The following REEP3 variants were observed in gnomAD, a reference collection of about 807,000 sequenced individuals.
REEP3 encodes receptor accessory protein 3, also known as receptor expression-enhancing protein 3.
REEP3 carries 20 observed loss-of-function variants against 41.3 expected under a neutral mutation model. The ratio of observed to expected loss-of-function variants is 0.48; its 90% CI spans 0.34 to 0.70. REEP3 has a LOEUF of 0.70. Ranked by LOEUF, REEP3 falls within the 30% of genes least tolerant of loss-of-function variation. The pLI is 0.01. For missense variants in REEP3, 271 were observed against 308.8 expected (o/e 0.88, Z 0.92); for synonymous variants, 104 against 101.8 (o/e 1.02, Z -0.13).
chr10:63,582,332 T>G (rs949954407), intron 2 of REEP3, among the ~76,000 whole-genome samples: 1 of 152,172 alleles, frequency 6.6e-6, no homozygotes, highest in African/African-American at 2.4e-5. Flanking sequence ...CTGTCTGCCC[T>G]CTCTCTGCAC....
In REEP3 at chr10:63,592,893, AAAAAAC is replaced by A. The variant is rs369043368; in HGVS notation, c.106-1866_106-1861del. ...GGGCGACAGAGCAAGACTCTGTCTC[AAAAAAC>A]AAAAACAAAAACAAAAACCTTATGA... On this transcript the variant is annotated intron_variant, in intron 2 of 7. Coordinates refer to ENST00000373758, the MANE Select transcript of REEP3 (RefSeq NM_001001330.3). Among the ~76,000 whole-genome samples the A allele has an allele frequency of 7.2e-3, 1,096 of 152,274 alleles. 17 individuals are homozygous for A. Among genetic ancestry groups the A allele is most frequent in the African/African-American group, 0.025 (1,034 of 41,536 alleles).
chr10:63,547,064 G>A lies in REEP3; in HGVS notation c.33-19274G>A, dbSNP rs186099870. Among the ~76,000 whole-genome samples the A allele has an allele frequency of 6.0e-3, 919 of 152,162 alleles. 3 individuals are homozygous for A. The highest frequency in any genetic ancestry group is 0.011 in the Admixed American group (165 of 15,282). On this transcript the variant is annotated intron_variant, in intron 1 of 7. Coordinates refer to ENST00000373758, the MANE Select transcript of REEP3 (RefSeq NM_001001330.3). Reference sequence around the variant, plus strand: ...AGCCTCCCAAGTAGCTGGGATTACAGGCGCCCGCCACCATGCCCAGCTAAT... The same window carrying A: ...AGCCTCCCAAGTAGCTGGGATTACAAGCGCCCGCCACCATGCCCAGCTAAT...
chr10:63,594,745 C>G (rs1956097895), intron 2 of REEP3, 33 bp from the exon 3 acceptor site: 1 of 1,347,098 alleles, frequency 7.4e-7, no homozygotes, highest in African/African-American at 1.4e-5. Context: ...TAATTTTCAT[C>G]TGTTGTTTCA....
chr10:63,620,827 A>G lies in REEP3; in HGVS notation c.726A>G (p.Ser242=), dbSNP rs1133386. 27,059 of 1,605,740 alleles carry G rather than the reference A, an allele frequency of 0.017. 279 individuals are homozygous for G. Among genetic ancestry groups the G allele is most frequent in the Middle Eastern group, 0.032 (192 of 6,024 alleles). ...TCTCTCTTCAGGTGCGGTACGGGTCACTAAAATACAAAGTGAAGAAACGAC... is the reference window on the plus strand; with the variant it reads ...TCTCTCTTCAGGTGCGGTACGGGTCGCTAAAATACAAAGTGAAGAAACGAC... The part of the protein sequence containing the change: ...TKGRKEVRYG[S]LKYKVKKRPQ... The change falls in exon 8 of 8, where the codon TCA becomes TCG. Residue 242 remains serine, a synonymous_variant. Coordinates refer to ENST00000373758, the MANE Select transcript of REEP3 (RefSeq NM_001001330.3).
chr10:63,556,057 G>GA (rs1020236474), intron 1 of REEP3, among the ~76,000 whole-genome samples: 5 of 151,594 alleles, frequency 3.3e-5, no homozygotes, highest in South Asian at 2.1e-4. Flanking sequence ...ATGCTACCTT[G>GA]AAAAAAAACC....
chr10:63,603,545 A>G (rs1956195334), intron 5 of REEP3, among the ~76,000 whole-genome samples: 1 of 152,096 alleles, frequency 6.6e-6, no homozygotes, highest in Non-Finnish European at 1.5e-5. Context: ...TGTCCACCCC[A>G]AAGGCAGTAA....
At chr10:63,551,751 T>C (rs993164301) in intron 1 of REEP3, among the ~76,000 whole-genome samples, 3 of 152,156 alleles carry the variant, frequency 2.0e-5, no homozygotes, top group Middle Eastern at 3.4e-3. Context: ...TGAGTAAACA[T>C]GATATGGTAA....
intron 6 of REEP3, among the ~76,000 whole-genome samples, chr10:63,615,006 A>G (rs1956301676): frequency 6.6e-6 from 1 of 152,230 alleles, no homozygotes. Context: ...ATTAAGCAAA[A>G]GGTGGTTTAT....
At chr10:63,546,737 G>A (rs1252506698) in intron 1 of REEP3, among the ~76,000 whole-genome samples, 1 of 152,144 alleles carries the variant, frequency 6.6e-6, no homozygotes, top group Non-Finnish European at 1.5e-5. Flanking sequence ...TATCACAAAG[G>A]TAGCACTACA....
At chr10:63,536,206 C>T (rs1054465383) in intron 1 of REEP3, among the ~76,000 whole-genome samples, 5 of 152,202 alleles carry the variant, frequency 3.3e-5, no homozygotes, top group Non-Finnish European at 7.4e-5. Flanking sequence ...CAGTTGAGCT[C>T]CGGACATAGA....
chr10:63,618,224 T>C (rs1384967721), intron 6 of REEP3, among the ~76,000 whole-genome samples: 1 of 150,220 alleles, frequency 6.7e-6, no homozygotes, highest in Non-Finnish European at 1.5e-5. Context: ...TCATGGGGAT[T>C]TCTTTCCTTC....
At chr10:63,591,283 G>A (rs1380940936) in intron 2 of REEP3, among the ~76,000 whole-genome samples, 1 of 151,962 alleles carries the variant, frequency 6.6e-6, no homozygotes, top group African/African-American at 2.4e-5. Context: ...TGGAAAAAAA[G>A]AAAGCAATAT....
intron 5 of REEP3, among the ~76,000 whole-genome samples, chr10:63,605,927 C>T (rs550569186): frequency 6.6e-6 from 1 of 152,288 alleles, no homozygotes; most frequent in Admixed American, 6.5e-5. Flanking sequence ...CAGTTTCTTA[C>T]AGAGGCATTT....
At chr10:63,581,361 T>C (rs757601900) in intron 2 of REEP3, among the ~76,000 whole-genome samples, 3 of 152,128 alleles carry the variant, frequency 2.0e-5, no homozygotes, top group Non-Finnish European at 4.4e-5. Context: ...CAAAATGTAA[T>C]GGAAATGTAA....
chr10:63,527,953 GTT>G (rs59473384), intron 1 of REEP3, among the ~76,000 whole-genome samples: 116,196 of 140,056 alleles, frequency 0.83, 48,177 homozygotes, highest in African/African-American at 0.89. Flanking sequence ...GCTTTTTTTT[GTT>G]TTTTTTTTTT....
At chr10:63,560,843 A>G (rs1955733681) in intron 1 of REEP3, among the ~76,000 whole-genome samples, 1 of 152,178 alleles carries the variant, frequency 6.6e-6, no homozygotes, top group African/African-American at 2.4e-5. Flanking sequence ...GGCTGCAGAC[A>G]TCTACAGTAG....
chr10:63,566,150 C>T (rs1198877835), intron 1 of REEP3, among the ~76,000 whole-genome samples, 188 bp from the exon 2 acceptor site: 1 of 152,124 alleles, frequency 6.6e-6, no homozygotes, highest in Non-Finnish European at 1.5e-5. Flanking sequence ...TCCCAAAGTG[C>T]TGGGATTACA....
At chr10:63,582,858 A>G (rs750810270) in intron 2 of REEP3, among the ~76,000 whole-genome samples, 38 of 151,898 alleles carry the variant, frequency 2.5e-4, no homozygotes, top group Non-Finnish European at 4.0e-4. Context: ...CTGCCCTCCC[A>G]CTATCTCCCA....
intron 5 of REEP3, among the ~76,000 whole-genome samples, chr10:63,599,492 C>T (rs939459188): frequency 6.6e-6 from 1 of 152,120 alleles, no homozygotes; most frequent in Non-Finnish European, 1.5e-5. Flanking sequence ...AAAATGAGGT[C>T]GTTAATAAAT....
Sources: gnomAD v4.1 joint callset for allele counts (sites outside exome capture counted in the v4.1 genomes callset) on GRCh38, gnomAD v4.1.1 for gene constraint, MANE v1.5 for transcripts, NCBI Gene and HGNC (gene_info 2026-07-23, HGNC 2026-07-21) for gene names.